Variants in TMEM132B observed in about 807,000 individuals in gnomAD.
The protein encoded by TMEM132B is transmembrane protein 132B.
TMEM132B carries 18 observed loss-of-function variants against 90.8 expected under a neutral mutation model. The observed-to-expected ratio is 0.20, with a 90% CI of 0.14 to 0.29. TMEM132B has a LOEUF of 0.29. Among genes scored for constraint, TMEM132B ranks in the 10% least tolerant of loss-of-function variants. TMEM132B has a pLI of 1.00. For missense variants in TMEM132B, 1,096 were observed against 1,326.8 expected (o/e 0.83, Z 2.70); for synonymous variants, 504 against 523.3 (o/e 0.96, Z 0.50).
At chr12:125,298,628 C>T (rs1342809725) in intron 1 of TMEM132B, among the ~76,000 whole-genome samples, 7 of 135,598 alleles carry the variant, frequency 5.2e-5, no homozygotes, top group South Asian at 5.2e-4. Context: ...GAGCCGAGAT[C>T]GCGTCACTGC....
At chr12:125,330,319 T>C (rs1255855700) in intron 1 of TMEM132B, among the ~76,000 whole-genome samples, 2 of 141,682 alleles carry the variant, frequency 1.4e-5, no homozygotes, top group African/African-American at 5.6e-5. Context: ...AGTCGTGCTT[T>C]GTTTAAGGGG....
At chr12:125,610,370 G>A (rs1212254960) in intron 5 of TMEM132B, among the ~76,000 whole-genome samples, 1 of 152,140 alleles carries the variant, frequency 6.6e-6, no homozygotes, top group East Asian at 1.9e-4. Context: ...TAAGCTTGAT[G>A]TTAGCTGTGG....
At chr12:125,450,092 TA>T (rs1273115706) in intron 3 of TMEM132B, among the ~76,000 whole-genome samples, 3 of 152,228 alleles carry the variant, frequency 2.0e-5, no homozygotes, top group Non-Finnish European at 4.4e-5. Context: ...TGTACATGTA[TA>T]TTTTTAGCTC....
At chr12:125,514,601 C>T (rs923721498) in intron 3 of TMEM132B, among the ~76,000 whole-genome samples, 1 of 152,220 alleles carries the variant, frequency 6.6e-6, no homozygotes, top group African/African-American at 2.4e-5. Context: ...GAAAGTGTTA[C>T]CATCTCTGCC....
chr12:125,294,580 C>T (rs982251343), intron 1 of TMEM132B, among the ~76,000 whole-genome samples: 21 of 152,308 alleles, frequency 1.4e-4, no homozygotes, highest in African/African-American at 5.1e-4. Context: ...CCAGGCACTG[C>T]AGTAAGAGCT....
chr12:125,542,191 T>A (rs1883977348), intron 4 of TMEM132B, among the ~76,000 whole-genome samples: 1 of 152,160 alleles, frequency 6.6e-6, no homozygotes, highest in South Asian at 2.1e-4. Context: ...AATGCGTACC[T>A]CTAACCCAGA....
chr12:125,231,964 G>T (rs896607565), intron 1 of TMEM132B, among the ~76,000 whole-genome samples: 1 of 151,668 alleles, frequency 6.6e-6, no homozygotes, highest in African/African-American at 2.4e-5. Flanking sequence ...GCACAAACCA[G>T]TCCATGTATG....
At position 125,626,323 on chromosome 12, in the gene TMEM132B, C is replaced by G. The variant is rs1886230056; in HGVS notation, c.1438-17753C>G. Reference sequence around the variant, plus strand: ...TGAGGTTGCTTCCAAGTCTTGGCTACTGTGAACAGTGCTTCAACAAACATG... The same window carrying G: ...TGAGGTTGCTTCCAAGTCTTGGCTAGTGTGAACAGTGCTTCAACAAACATG... On this transcript the variant is annotated intron_variant, in intron 5 of 8. Transcript: ENST00000682704. 2.0e-5 allele frequency among the ~76,000 whole-genome samples: 3 copies of G among 152,166 alleles called. No homozygotes were observed. The South Asian group carries it at 6.2e-4, about 32-fold the overall frequency.
intron 5 of TMEM132B, among the ~76,000 whole-genome samples, chr12:125,624,648 T>A (rs958387698): frequency 1.3e-5 from 2 of 151,922 alleles, no homozygotes; most frequent in African/African-American, 4.8e-5. Context: ...CATCATCCTA[T>A]ACTATTGACA....
chr12:125,268,302 A>G (rs11058106), intron 1 of TMEM132B, among the ~76,000 whole-genome samples: 2,396 of 152,292 alleles, frequency 0.016, 72 homozygotes, highest in African/African-American at 0.055. Context: ...TGACTCATCC[A>G]GTTTACTTCT....
At chr12:125,628,278 G>T (rs1328889437) in intron 5 of TMEM132B, among the ~76,000 whole-genome samples, 1 of 152,058 alleles carries the variant, frequency 6.6e-6, no homozygotes, top group Non-Finnish European at 1.5e-5. Flanking sequence ...AGTGTACAAG[G>T]GTTCCCTTTT....
intron 2 of TMEM132B, among the ~76,000 whole-genome samples, chr12:125,403,437 G>T (rs555416994): frequency 5.3e-5 from 8 of 152,138 alleles, no homozygotes; most frequent in African/African-American, 1.7e-4. Context: ...CCCAAATTCC[G>T]CAAACTCATT....
chr12:125,332,056 G>A (rs1439660618), intron 1 of TMEM132B, among the ~76,000 whole-genome samples: 3 of 152,000 alleles, frequency 2.0e-5, no homozygotes, highest in Non-Finnish European at 2.9e-5. Flanking sequence ...ATTTATTTAG[G>A]TAATAATTAT....
intron 4 of TMEM132B, among the ~76,000 whole-genome samples, chr12:125,578,766 C>T (rs1884988677): frequency 6.6e-6 from 1 of 152,166 alleles, no homozygotes; most frequent in Admixed American, 6.5e-5. Flanking sequence ...AATGTGTCAT[C>T]CTTCTACCTT....
intron 1 of TMEM132B, among the ~76,000 whole-genome samples, chr12:125,200,568 G>A (rs1327183110): frequency 6.6e-6 from 1 of 152,160 alleles, no homozygotes; most frequent in Admixed American, 6.5e-5. Flanking sequence ...GGCATAGAAA[G>A]GGAGTTCAGA....
At chr12:125,211,134 A>C (rs1042800451) in intron 1 of TMEM132B, among the ~76,000 whole-genome samples, 1 of 152,066 alleles carries the variant, frequency 6.6e-6, no homozygotes, top group African/African-American at 2.4e-5. Context: ...TATGAAAGAA[A>C]GAGGGGAGTC....
chr12:125,503,234 C>T (rs146668500), intron 3 of TMEM132B, among the ~76,000 whole-genome samples: 3 of 152,334 alleles, frequency 2.0e-5, no homozygotes, highest in African/African-American at 7.2e-5. Flanking sequence ...CCTCCCCGGG[C>T]TGTGCTTTGT....
intron 1 of TMEM132B, among the ~76,000 whole-genome samples, chr12:125,284,038 T>A (rs1276456195): frequency 6.6e-6 from 1 of 152,212 alleles, no homozygotes; most frequent in Non-Finnish European, 1.5e-5. Flanking sequence ...TACCCCAGGA[T>A]GGCCAGAGGA....
chr12:125,448,217 C>T (rs1881056880), intron 3 of TMEM132B, among the ~76,000 whole-genome samples: 1 of 151,966 alleles, frequency 6.6e-6, no homozygotes, highest in African/African-American at 2.4e-5. Flanking sequence ...CCATTGCACT[C>T]CAGCCTGGGC....
Sources: gnomAD v4.1 joint callset for allele counts (sites outside exome capture counted in the v4.1 genomes callset) on GRCh38, gnomAD v4.1.1 for gene constraint, MANE v1.5 for transcripts, NCBI Gene and HGNC (gene_info 2026-07-23, HGNC 2026-07-21) for gene names.